The following AGT variants were observed in gnomAD, a reference collection of about 807,000 sequenced individuals.
AGT encodes the protein angiotensinogen.
In AGT, 26 loss-of-function variants were observed where a neutral mutation model predicts 28.1. The ratio of observed to expected loss-of-function variants is 0.92; its 90% CI spans 0.68 to 1.28. The LOEUF (loss-of-function observed/expected upper bound fraction) is 1.28, where lower values mean the gene tolerates loss of function less well. AGT is among the 50% of genes most tolerant of loss of function. The pLI is 0.00. For synonymous variants in AGT, 259 were observed against 259.6 expected (o/e 1.00, Z 0.02); for missense variants, 596 against 592.3 (o/e 1.01, Z -0.06).
intron 2 of AGT, 87 bp from the exon 3 acceptor site, chr1:230,706,287 C>T (rs906240428): frequency 9.6e-6 from 14 of 1,452,844 alleles, no homozygotes; most frequent in Non-Finnish European, 1.3e-5. Flanking sequence ...GGCCCAGATC[C>T]TGCCCCTCGC....
intron 1 of AGT, among the ~76,000 whole-genome samples, chr1:230,725,711 T>C (rs1349996796): frequency 6.6e-6 from 1 of 152,160 alleles, no homozygotes; most frequent in Non-Finnish European, 1.5e-5. Flanking sequence ...CAGAAAACAT[T>C]GCAAAGAAAT....
intron 1 of AGT, among the ~76,000 whole-genome samples, chr1:230,737,068 G>A (rs1664168982): frequency 6.6e-6 from 1 of 152,208 alleles, no homozygotes; most frequent in South Asian, 2.1e-4. Flanking sequence ...TCTGACCCTG[G>A]TGCAAGACCA....
rs1663565254 is a variant in AGT at position 230,710,739 on chromosome 1, TG to T, written c.84del (p.Tyr28Ter). 1 of 1,614,020 alleles carries T rather than the reference TG, an allele frequency of 6.2e-7. No individual in the cohort carries two copies. The highest frequency in any genetic ancestry group is 1.3e-5 in the African/African-American group (1 of 74,928). On this transcript the variant is annotated frameshift_variant, in exon 2 of 5. Coordinates refer to ENST00000366667, the MANE Select transcript of AGT (RefSeq NM_001384479.1). LOFTEE classifies it high-confidence loss of function. Reference protein sequence around the residue: ...WAGLAAGDRVYIHPFHLVIHN... With the variant: ...WAGLAAGDRVXIHPFHLVIHN... ...TGGATGACGAGGTGGAAGGGGTGTATGTACACCCGGTCACCTGCAGCCAGGC... is the reference window on the plus strand; with the variant it reads ...TGGATGACGAGGTGGAAGGGGTGTATTACACCCGGTCACCTGCAGCCAGGC...
At chr1:230,724,314 C>T (rs536812892) in intron 1 of AGT, among the ~76,000 whole-genome samples, 23 of 152,236 alleles carry the variant, frequency 1.5e-4, no homozygotes, top group Admixed American at 1.4e-3. Context: ...TATATATTGT[C>T]CTTTCATTTA....
At chr1:230,703,731 C>T (rs1663297194) in intron 4 of AGT, among the ~76,000 whole-genome samples, 1 of 152,212 alleles carries the variant, frequency 6.6e-6, no homozygotes, top group South Asian at 2.1e-4. Context: ...ACTTTCTCCC[C>T]AGCACTGAGC....
intron 1 of AGT, among the ~76,000 whole-genome samples, chr1:230,743,512 A>G (rs1310344033): frequency 2.6e-5 from 4 of 152,056 alleles, no homozygotes; most frequent in South Asian, 2.1e-4. Context: ...AGCCCCTCTC[A>G]CCTGGACACC....
intron 3 of AGT, 64 bp downstream of exon 3, chr1:230,705,869 C>T (rs1663369215): frequency 6.2e-7 from 1 of 1,601,536 alleles, no homozygotes; most frequent in Non-Finnish European, 8.6e-7. Flanking sequence ...ACTCCCCACC[C>T]CGCCCCCAGC....
At chr1:230,717,934 C>G (rs776931705), upstream of AGT, among the ~76,000 whole-genome samples, 54 of 152,082 alleles carry the variant, frequency 3.6e-4, no homozygotes, top group Admixed American at 4.6e-4. Flanking sequence ...AGTCTGAGCT[C>G]CCCCATTTCA....
At chr1:230,743,616 G>A (rs1312498127) in intron 1 of AGT, among the ~76,000 whole-genome samples, 4 of 152,178 alleles carry the variant, frequency 2.6e-5, no homozygotes, top group Non-Finnish European at 5.9e-5. Flanking sequence ...TGTCGCAGCC[G>A]GGTGGGCTCA....
chr1:230,726,049 C>G (rs1663935520), intron 1 of AGT, among the ~76,000 whole-genome samples: 1 of 152,188 alleles, frequency 6.6e-6, no homozygotes, highest in Non-Finnish European at 1.5e-5. Context: ...CTCTTAGGGA[C>G]AAGGCAGTGT....
intron 1 of AGT, among the ~76,000 whole-genome samples, chr1:230,731,356 G>C (rs2102803091): frequency 6.6e-6 from 1 of 152,256 alleles, no homozygotes; most frequent in Non-Finnish European, 1.5e-5. Context: ...TTATCACACA[G>C]CACATAGCCA....
At position 230,704,523 on chromosome 1, in the gene AGT, A is replaced by G. The variant is rs11122575; in HGVS notation, c.1098-186T>C. ...GCAAAACCTACAATAAAAATCCTTCATGTCATTTGCAATACTATGTGAGGG... is the reference window on the plus strand; with the variant it reads ...GCAAAACCTACAATAAAAATCCTTCGTGTCATTTGCAATACTATGTGAGGG... On this transcript the variant is annotated intron_variant, in intron 3 of 4. Transcript: ENST00000366667. Among the ~76,000 whole-genome samples the G allele has an allele frequency of 0.08, 12,247 of 152,268 alleles. 796 individuals are homozygous for G. Among genetic ancestry groups the G allele is most frequent in the East Asian group, 0.35 (1,794 of 5,168 alleles).
At chr1:230,705,871 G>GC (rs1663369494) in intron 3 of AGT, 62 bp downstream of exon 3, 19 of 1,600,372 alleles carry the variant, frequency 1.2e-5, no homozygotes, top group Admixed American at 1.7e-5. Flanking sequence ...TCCCCACCCC[G>GC]CCCCCAGCCT....
intron 1 of AGT, among the ~76,000 whole-genome samples, chr1:230,745,045 G>A (rs1364254477): frequency 6.6e-6 from 1 of 152,202 alleles, no homozygotes; most frequent in Non-Finnish European, 1.5e-5. Context: ...GGACACTCCT[G>A]GGCAGCTCCA....
intron 1 of AGT, among the ~76,000 whole-genome samples, chr1:230,741,825 G>C (rs1194640514): frequency 6.6e-6 from 1 of 152,194 alleles, no homozygotes; most frequent in East Asian, 1.9e-4. Flanking sequence ...ATACACGGGG[G>C]AGGGAAGGCA....
At chr1:230,729,878 C>T (rs1009460023) in intron 1 of AGT, among the ~76,000 whole-genome samples, 1 of 151,996 alleles carries the variant, frequency 6.6e-6, no homozygotes, top group Non-Finnish European at 1.5e-5. Context: ...AACAGGAAGG[C>T]GGCCTGGGCA....
intron 1 of AGT, among the ~76,000 whole-genome samples, chr1:230,738,455 C>G (rs1571989298): frequency 6.6e-6 from 1 of 152,204 alleles, no homozygotes; most frequent in African/African-American, 2.4e-5. Flanking sequence ...TATGTCTTCA[C>G]AGCTATGATT....
rs140773856 is a variant in AGT at position 230,706,155 on chromosome 1, C to T, written c.875G>A (p.Trp292Ter). Residue 292 changes from tryptophan (W) to a stop codon, truncating the protein, a stop_gained, in exon 3 of 5, where the codon TGG becomes TAG. Transcript: ENST00000366667. LOFTEE classifies it high-confidence loss of function. ...AGACACTGAGGTGCTGTTGTCCACC[C>T]AGAACTCCTGGGGCTCGGCCAGCAG... The part of the protein sequence containing the change: ...FSLLAEPQEF[W>*]VDNSTSVSVP... The T allele has an allele frequency of 1.2e-6, 2 of 1,613,880 alleles. No individual in the cohort carries two copies. The highest frequency in any genetic ancestry group is 1.7e-5 in the Admixed American group (1 of 59,998).
In AGT at chr1:230,710,694, G is replaced by C. The variant is rs5039; in HGVS notation, c.130C>G (p.Gln44Glu). 2.4e-5 allele frequency: 38 copies of C among 1,614,064 alleles called. No homozygotes were observed. Among genetic ancestry groups the C allele is most frequent in the Non-Finnish European group, 3.2e-5 (38 of 1,180,030 alleles). Residue 44 changes from glutamine to glutamate, a missense_variant, in exon 2 of 5, where the codon CAG (glutamine) becomes GAG (glutamate). Physicochemically the swap from Gln to Glu is conservative, Grantham distance 29 (BLOSUM62 2). Transcript: ENST00000366667. ...LVIHNESTCE[Q>E]LAKANAGKPK... ...TTCCCGGCATTGGCCTTTGCCAGCT[G>C]CTCACAGGTACTCTCATTGTGGATG...
Sources: gnomAD v4.1 joint callset for allele counts (sites outside exome capture counted in the v4.1 genomes callset) on GRCh38, gnomAD v4.1.1 for gene constraint, MANE v1.5 for transcripts, NCBI Gene and HGNC (gene_info 2026-07-23, HGNC 2026-07-21) for gene names.